The following KIF11 variants were observed in gnomAD, a reference collection of about 807,000 sequenced individuals.
KIF11 encodes kinesin-like protein KIF11.
Under a neutral mutation model 121.0 loss-of-function variants are expected in KIF11, and 9 were observed. That is an observed-to-expected ratio of 0.07 (90% CI 0.04 to 0.13). The LOEUF is 0.13. KIF11 is among the 10% of genes least tolerant of loss of function. The pLI is 1.00. For missense variants in KIF11, 846 were observed against 1,217.5 expected (o/e 0.69, Z 4.54); for synonymous variants, 408 against 421.0 (o/e 0.97, Z 0.38).
chr10:92,648,163 A>T, intron 18 of KIF11, 49 bp from the exon 19 acceptor site: 1 of 1,282,056 alleles, frequency 7.8e-7, no homozygotes, highest in Non-Finnish European at 1.1e-6. Flanking sequence ...TGAATAAAAC[A>T]CTGGCAACTT....
intron 16 of KIF11, among the ~76,000 whole-genome samples, chr10:92,638,238 G>A (rs1053255708): frequency 3.3e-5 from 5 of 152,114 alleles, no homozygotes; most frequent in Non-Finnish European, 7.4e-5. Context: ...GCAATTCACT[G>A]TGTTTATTCC....
intron 6 of KIF11, among the ~76,000 whole-genome samples, chr10:92,611,636 C>T (rs1225308561): frequency 6.6e-6 from 1 of 152,112 alleles, no homozygotes; most frequent in African/African-American, 2.4e-5. Context: ...CGATGGCTGA[C>T]GCTTGTAATC....
intron 8 of KIF11, among the ~76,000 whole-genome samples, chr10:92,614,021 T>TACACACACACACACACAC (rs71028831): frequency 3.1e-5 from 4 of 127,058 alleles, no homozygotes; most frequent in African/African-American, 1.3e-4. Context: ...AGTATGTGTA[T>TACACACACACACACACAC]ACACACACAC....
chr10:92,602,862 T>C (rs1385096016), intron 1 of KIF11, among the ~76,000 whole-genome samples: 1 of 139,822 alleles, frequency 7.2e-6, no homozygotes, highest in African/African-American at 2.9e-5. Context: ...GTGTGGTTTT[T>C]TGTTTGTTTT....
rs570156370 is a variant in KIF11 at position 92,634,805 on chromosome 10, A to G, written c.1875+1010A>G. Among the ~76,000 whole-genome samples the G allele has an allele frequency of 2.9e-3, 449 of 152,342 alleles. 3 individuals are homozygous for G. The highest frequency in any genetic ancestry group is 0.01 in the African/African-American group (426 of 41,590). On this transcript the variant is annotated intron_variant, in intron 14 of 21. Coordinates refer to ENST00000260731, the MANE Select transcript of KIF11 (RefSeq NM_004523.4). ...GAAATTGGCAAGTCACTCTTTCCCCAGGGGTCCTGGACCCAACCAGAAGGG... is the reference window on the plus strand; with the variant it reads ...GAAATTGGCAAGTCACTCTTTCCCCGGGGGTCCTGGACCCAACCAGAAGGG...
chr10:92,617,964 T>A (rs1290774755), intron 9 of KIF11, among the ~76,000 whole-genome samples: 1 of 152,144 alleles, frequency 6.6e-6, no homozygotes, highest in Non-Finnish European at 1.5e-5. Context: ...GGTCTTGAAC[T>A]CCTGACCTCG....
intron 17 of KIF11, among the ~76,000 whole-genome samples, chr10:92,644,788 C>T (rs74151672): frequency 0.043 from 6,589 of 151,874 alleles, 178 homozygotes; most frequent in Admixed American, 0.064. Flanking sequence ...GGCAACTTAC[C>T]GAGATGGAAA....
intron 10 of KIF11, 129 bp downstream of exon 10, chr10:92,621,602 G>A (rs1249946714): frequency 5.1e-6 from 3 of 587,942 alleles, no homozygotes; most frequent in Non-Finnish European, 9.1e-6. Context: ...CATTTTGTGT[G>A]TGTGTGTGTT....
intron 6 of KIF11, among the ~76,000 whole-genome samples, chr10:92,609,783 C>G (rs1844474632): frequency 6.6e-6 from 1 of 152,126 alleles, no homozygotes; most frequent in South Asian, 2.1e-4. Flanking sequence ...GTTACCCAGG[C>G]TGGAGTGCAG....
In KIF11 at chr10:92,650,551, T is replaced by C. The variant is rs200909673; in HGVS notation, c.3039+34T>C. 1.3e-3 allele frequency: 1,510 copies of C among 1,121,050 alleles called. 1 individual carries two copies. The highest frequency in any genetic ancestry group is 1.9e-3 in the Non-Finnish European group (1,423 of 730,776). The allele number at this position is 1,121,050 out of a possible 1,614,324, so 69.4% of individuals were successfully genotyped here. A position where few individuals can be genotyped will look rare whatever the true frequency, so the allele number is the denominator to read the frequency against. On this transcript the variant is annotated intron_variant, in intron 21 of 21. Coordinates refer to ENST00000260731, the MANE Select transcript of KIF11 (RefSeq NM_004523.4). The stretch of plus-strand genomic sequence containing the variant: ...TATCAGATAACCCTTCCACATCTGA[T>C]GTAAGTCATTCATTTACTATTCATT...
intron 12 of KIF11, 25 bp from the exon 13 acceptor site, chr10:92,632,461 C>CT: frequency 7.0e-7 from 1 of 1,428,720 alleles, no homozygotes; most frequent in South Asian, 1.2e-5. Context: ...TCCATTTTGT[C>CT]TAACACTTAT....
In KIF11 at chr10:92,606,370, C is replaced by T; in HGVS notation, c.183C>T (p.Ser61=). 1 of 1,610,762 alleles carries T rather than the reference C, an allele frequency of 6.2e-7. No homozygotes were observed. Among genetic ancestry groups the T allele is most frequent in the Non-Finnish European group, 8.5e-7 (1 of 1,179,100 alleles). The change falls in exon 2 of 22, where the codon AGC becomes AGT. Residue 61 remains serine, a synonymous_variant. Coordinates refer to ENST00000260731, the MANE Select transcript of KIF11 (RefSeq NM_004523.4). ...GAACTGGAGGATTGGCTGACAAGAG[C>T]TCAAGGAAAACATACACTTTTGATA... ...SVRTGGLADK[S]SRKTYTFDMV...
At position 92,650,484 on chromosome 10, in the gene KIF11, T is replaced by C. The variant is rs761036825; in HGVS notation, c.3006T>C (p.Asp1002=). ...AGCCATCTGTAGATGCTGGTGTGGATTGTTCATCAATTGGCGGGGTTCCAT... is the reference window on the plus strand; with the variant it reads ...AGCCATCTGTAGATGCTGGTGTGGACTGTTCATCAATTGGCGGGGTTCCAT... ...SQEPSVDAGV[D]CSSIGGVPFF... Residue 1002 remains aspartate, a synonymous_variant, in exon 21 of 22, where the codon GAT becomes GAC. Transcript: ENST00000260731. The C allele has an allele frequency of 1.9e-6, 3 of 1,612,920 alleles. No homozygotes were observed. The highest frequency in any genetic ancestry group is 2.5e-6 in the Non-Finnish European group (3 of 1,178,910).
At chr10:92,612,029 G>T (rs1243269912) in intron 6 of KIF11, among the ~76,000 whole-genome samples, 1 of 151,986 alleles carries the variant, frequency 6.6e-6, no homozygotes, top group Non-Finnish European at 1.5e-5. Context: ...AAATGCCATT[G>T]GATACAGAAA....
At position 92,602,039 on chromosome 10, in the gene KIF11, C is replaced by T. The variant is rs1177553504; in HGVS notation, c.78-4226C>T. On this transcript the variant is annotated intron_variant, in intron 1 of 21. Transcript: ENST00000260731. ...ATTGACATGATTCTGTGGTTTCCTT[C>T]ATTCTGTTAATGTGGTATATTACAT... Among the ~76,000 whole-genome samples the T allele has an allele frequency of 2.6e-5, 4 of 152,146 alleles. No individual in the cohort carries two copies. In the East Asian group the frequency reaches 7.7e-4, roughly 29 times the overall value.
At chr10:92,609,253 G>C in intron 5 of KIF11, 48 bp downstream of exon 5, 1 of 1,501,430 alleles carries the variant, frequency 6.7e-7, no homozygotes, top group Non-Finnish European at 9.0e-7. Flanking sequence ...TAATGTGTGA[G>C]GCTTTGAGAA....
intron 10 of KIF11, among the ~76,000 whole-genome samples, chr10:92,628,080 T>TC (rs751970377): frequency 6.6e-6 from 1 of 152,122 alleles, no homozygotes; most frequent in Non-Finnish European, 1.5e-5. Flanking sequence ...GGTGGTTTTG[T>TC]CCCCCAGAGG....
At chr10:92,642,166 T>A (rs1844871715) in intron 17 of KIF11, among the ~76,000 whole-genome samples, 1 of 152,154 alleles carries the variant, frequency 6.6e-6, no homozygotes, top group Non-Finnish European at 1.5e-5. Context: ...CTCATTCAAC[T>A]TGTGATTTTT....
chr10:92,618,656 AAG>A (rs1491530551), intron 9 of KIF11, among the ~76,000 whole-genome samples: 5 of 151,784 alleles, frequency 3.3e-5, no homozygotes, highest in African/African-American at 1.2e-4. Context: ...AAAAAAAAAA[AAG>A]AAAAAAAGTA....
Sources: allele counts gnomAD v4.1 joint callset (sites outside exome capture counted in the v4.1 genomes callset), GRCh38; gene constraint gnomAD v4.1.1; transcripts MANE v1.5; gene names NCBI Gene and HGNC (gene_info 2026-07-23, HGNC 2026-07-21).